The following DOK1 variants were observed in gnomAD, a reference collection of about 807,000 sequenced individuals.
DOK1 encodes the protein Downstream of tyrosine kinase 1.
Under a neutral mutation model 24.0 loss-of-function variants are expected in DOK1, and 12 were observed. The ratio of observed to expected loss-of-function variants is 0.50; its 90% confidence interval spans 0.32 to 0.81. The LOEUF (loss-of-function observed/expected upper bound fraction) is 0.81, where lower values mean the gene tolerates loss of function less well. Among genes scored for constraint, DOK1 ranks in the 30% least tolerant of loss-of-function variants. DOK1 has a pLI of 0.03. For synonymous variants in DOK1, 250 were observed against 260.9 expected (o/e 0.96, Z 0.40); for missense variants, 591 against 620.7 (o/e 0.95, Z 0.51).
Position 74,556,238 on chromosome 2 carries a change from C to T in DOK1, c.640-70C>T. The T allele has an allele frequency of 2.6e-6, 4 of 1,563,040 alleles. No individual in the cohort carries two copies. Among genetic ancestry groups the T allele is most frequent in the Non-Finnish European group, 3.5e-6 (4 of 1,152,480 alleles). Reference sequence around the variant, plus strand: ...GGTCTCTTCTTTGTAGATACCCTAACTAGTGCAGGCGTGTGACTCACTTCC... The same window carrying T: ...GGTCTCTTCTTTGTAGATACCCTAATTAGTGCAGGCGTGTGACTCACTTCC... On this transcript the variant is annotated intron_variant, in intron 4 of 4. Transcript: ENST00000233668. The surrounding 1 kb of genome is among the most constrained non-coding windows in gnomAD (Gnocchi z 4.1).
In DOK1 at chr2:74,556,824, G is replaced by A; in HGVS notation, c.1156G>A (p.Ala386Thr). ...TGATCTGCCTCGGGAGCCCAAGGAT[G>A]CATGGTGGTGCCAAGCTCGGGTGAA... ...LYDLPREPKD[A>T]WWCQARVKEE... The change falls in exon 5 of 5, where the codon GCA (alanine) becomes ACA (threonine). Residue 386 changes from alanine to threonine, a missense_variant. Coordinates refer to ENST00000233668, the MANE Select transcript of DOK1 (RefSeq NM_001381.5). This position sits in a 1 kb window ranked among gnomAD's most constrained non-coding sequence, Gnocchi z 4.1. The A allele has an allele frequency of 6.2e-7, 1 of 1,614,192 alleles. No individual in the cohort carries two copies. Among genetic ancestry groups the A allele is most frequent in the Non-Finnish European group, 8.5e-7 (1 of 1,180,036 alleles).
rs373347212 is a variant in DOK1 at position 74,555,116 on chromosome 2, A to G, written c.61-38A>G. 1.9e-4 allele frequency: 293 copies of G among 1,577,884 alleles called. No individual in the cohort carries two copies. The highest frequency in any genetic ancestry group is 9.0e-4 in the Admixed American group (51 of 56,734). Reference sequence around the variant, plus strand: ...CCGTCGGGACCCGGGCCGCCTGCGCACGCCACTCCCTCTCGAGCACTCTCT... The same window carrying G: ...CCGTCGGGACCCGGGCCGCCTGCGCGCGCCACTCCCTCTCGAGCACTCTCT... On this transcript the variant is annotated intron_variant, in intron 1 of 4. Transcript: ENST00000233668. The surrounding 1 kb of genome is among the most constrained non-coding windows in gnomAD (Gnocchi z 6.1).
At position 74,554,746 on chromosome 2, in the gene DOK1, C is replaced by A. The variant is rs758140616; in HGVS notation, c.-9C>A. On this transcript the variant is annotated 5_prime_UTR_variant, in exon 1 of 5. Coordinates refer to ENST00000233668, the MANE Select transcript of DOK1 (RefSeq NM_001381.5). This position sits in a 1 kb window ranked among gnomAD's most constrained non-coding sequence, Gnocchi z 4.9. ...GGGCCAGGAAGCGCGGAAGGAACCG[C>A]CGGGGGCCATGGACGGAGCAGTGAT... The A allele has an allele frequency of 1.9e-6, 3 of 1,613,016 alleles. No homozygotes were observed. Among genetic ancestry groups the A allele is most frequent in the Non-Finnish European group, 2.5e-6 (3 of 1,179,784 alleles).
At position 74,555,301 on chromosome 2, in the gene DOK1, T is replaced by G; in HGVS notation, c.208T>G (p.Cys70Gly). ...LDCKVIRLAE[C>G]VSVAPVTVET... ...CTGCAAAGTGATCCGTCTGGCTGAG[T>G]GTGTGAGTGTGGCCCCCGTCACCGT... Residue 70 changes from cysteine (C) to glycine (G), a missense_variant, in exon 2 of 5, where the codon TGT becomes GGT. Physicochemically the swap from Cys to Gly is radical, Grantham distance 159. Transcript: ENST00000233668. The surrounding 1 kb of genome is among the most constrained non-coding windows in gnomAD (Gnocchi z 6.1). 6.2e-7 allele frequency: 1 copy of G among 1,613,876 alleles called. No homozygotes were observed. Among genetic ancestry groups the G allele is most frequent in the Non-Finnish European group, 8.5e-7 (1 of 1,179,958 alleles).
upstream of DOK1, chr2:74,550,083 G>T (rs1225395112): frequency 4.7e-6 from 7 of 1,483,926 alleles, no homozygotes; most frequent in Non-Finnish European, 6.2e-6. Flanking sequence ...CAATCCAAAT[G>T]ATCCCCCAGG....
chr2:74,551,734 A>G (rs999331575), upstream of DOK1, among the ~76,000 whole-genome samples: 9 of 152,252 alleles, frequency 5.9e-5, no homozygotes, highest in African/African-American at 2.2e-4. Flanking sequence ...TGCAGGTTGC[A>G]CCTGCTTCTG....
rs1012934947 is a variant in DOK1, at chr2:74,556,249, G to C, written c.640-59G>C. ...TGTAGATACCCTAACTAGTGCAGGCGTGTGACTCACTTCCTCTGATGGCTC... is the reference window on the plus strand; with the variant it reads ...TGTAGATACCCTAACTAGTGCAGGCCTGTGACTCACTTCCTCTGATGGCTC... On this transcript the variant is annotated intron_variant, in intron 4 of 4. Transcript: ENST00000233668. This position sits in a 1 kb window ranked among gnomAD's most constrained non-coding sequence, Gnocchi z 4.1. 5.7e-6 allele frequency: 9 copies of C among 1,574,314 alleles called. No homozygotes were observed. Among genetic ancestry groups the C allele is most frequent in the African/African-American group, 2.7e-5 (2 of 74,042 alleles).
rs770047664 is a variant in DOK1 at position 74,556,847 on chromosome 2, G to A, written c.1179G>A (p.Val393=). 1.3e-5 allele frequency: 21 copies of A among 1,614,036 alleles called. No individual in the cohort carries two copies. Among genetic ancestry groups the A allele is most frequent in the East Asian group, 2.2e-5 (1 of 44,890 alleles). The change falls in exon 5 of 5, where the codon GTG becomes GTA. Residue 393 remains valine (V), a synonymous_variant. Coordinates refer to ENST00000233668, the MANE Select transcript of DOK1 (RefSeq NM_001381.5). The surrounding 1 kb of genome is among the most constrained non-coding windows in gnomAD (Gnocchi z 4.1). ...PKDAWWCQAR[V]KEEGYELPYN... ...ATGCATGGTGGTGCCAAGCTCGGGT[G>A]AAGGAGGAGGGCTATGAGCTCCCCT...
In DOK1 at chr2:74,556,101, C is replaced by T. The variant is rs1477190126; in HGVS notation, c.639+23C>T. ...AAGGTGCAGGGGCTGTCCGGGAGGGCTTCCTGGGTTGGGCAGCTGTGGGAG... is the reference window on the plus strand; with the variant it reads ...AAGGTGCAGGGGCTGTCCGGGAGGGTTTCCTGGGTTGGGCAGCTGTGGGAG... On this transcript the variant is annotated intron_variant, in intron 4 of 4. Transcript: ENST00000233668. The surrounding 1 kb of genome is among the most constrained non-coding windows in gnomAD (Gnocchi z 4.1). The T allele has an allele frequency of 6.4e-7, 1 of 1,556,678 alleles. No homozygotes were observed. Among genetic ancestry groups the T allele is most frequent in the Admixed American group, 1.9e-5 (1 of 52,926 alleles).
rs780213651 is a variant in DOK1 at position 74,557,049 on chromosome 2, T to C, written c.1381T>C (p.Trp461Arg). 1.2e-6 allele frequency: 2 copies of C among 1,613,978 alleles called. No homozygotes were observed. The highest frequency in any genetic ancestry group is 2.7e-5 in the African/African-American group (2 of 74,908). The change falls in exon 5 of 5, where the codon TGG (tryptophan) becomes CGG (arginine). Residue 461 changes from tryptophan (W) to arginine (R), a missense_variant. Physicochemically the swap from Trp to Arg is moderately radical, Grantham distance 101. Coordinates refer to ENST00000233668, the MANE Select transcript of DOK1 (RefSeq NM_001381.5). ...QVQKSGASGS[W>R]DCGLSRVGTD... ...CCAGAAGAGCGGGGCCTCAGGGAGC[T>C]GGGACTGTGGGCTCTCTAGAGTAGG...
chr2:74,555,963 T>A lies in DOK1; in HGVS notation c.524T>A (p.Val175Glu), dbSNP rs1280454968. Residue 175 changes from valine (V) to glutamate (E), a missense_variant, in exon 4 of 5, where the codon GTG becomes GAG. Coordinates refer to ENST00000233668, the MANE Select transcript of DOK1 (RefSeq NM_001381.5). This position sits in a 1 kb window ranked among gnomAD's most constrained non-coding sequence, Gnocchi z 6.1. Reference sequence around the variant, plus strand: ...CGCTGTGGCCTGCATGGCTCCTACGTGCTGAGGGTGGAGGCTGAAAGGCTG... The same window carrying A: ...CGCTGTGGCCTGCATGGCTCCTACGAGCTGAGGGTGGAGGCTGAAAGGCTG... ...AERCGLHGSYVLRVEAERLTL... is the reference protein window; with the variant it reads ...AERCGLHGSYELRVEAERLTL... 6.2e-7 allele frequency: 1 copy of A among 1,613,716 alleles called. No homozygotes were observed. Among genetic ancestry groups the A allele is most frequent in the Non-Finnish European group, 8.5e-7 (1 of 1,179,936 alleles).
In DOK1 at chr2:74,555,333, C is replaced by G. The variant is rs747590556; in HGVS notation, c.240C>G (p.Thr80=). The G allele has an allele frequency of 1.9e-6, 3 of 1,613,896 alleles. No individual in the cohort carries two copies. Among genetic ancestry groups the G allele is most frequent in the Non-Finnish European group, 2.5e-6 (3 of 1,179,958 alleles). Residue 80 remains threonine (T), a synonymous_variant, in exon 2 of 5, where the codon ACC becomes ACG. Coordinates refer to ENST00000233668, the MANE Select transcript of DOK1 (RefSeq NM_001381.5). This position sits in a 1 kb window ranked among gnomAD's most constrained non-coding sequence, Gnocchi z 6.1. ...CVSVAPVTVE[T]PPEPGATAFR... is the part of the protein sequence containing the mutation. ...GTGTGGCCCCCGTCACCGTGGAGAC[C>G]CCCCCTGAGCCCGGCGCCACTGCCT...
Position 74,557,208 on chromosome 2 carries a change from T to A in DOK1, c.*94T>A. 3.1e-6 allele frequency: 4 copies of A among 1,307,748 alleles called. No homozygotes were observed. The highest frequency in any genetic ancestry group is 4.2e-6 in the Non-Finnish European group (4 of 957,924). The allele number at this position is 1,307,748 out of a possible 1,614,324, so 81.0% of individuals were successfully genotyped here. On this transcript the variant is annotated 3_prime_UTR_variant, in exon 5 of 5. Transcript: ENST00000233668. ...GTTAGAACCAGCAGAAGCCAGAGGG[T>A]GGGAGGGGCCATGCTGTGTGAGACC...
chr2:74,549,317 C>A lies in DOK1; in HGVS notation c.-358+145C>A. 2 of 1,506,530 alleles carry A rather than the reference C, an allele frequency of 1.3e-6. No individual in the cohort carries two copies. Among genetic ancestry groups the A allele is most frequent in the Non-Finnish European group, 1.8e-6 (2 of 1,122,198 alleles). The allele number at this position is 1,506,530 out of a possible 1,614,324, so 93.3% of individuals were successfully genotyped here. A position where few individuals can be genotyped will look rare whatever the true frequency, so the allele number is the denominator to read the frequency against. ...TCAGATGTCTCCCAAGGCTATTCATCAGGGAGCACCCCAATCCCGGCCTGC... is the reference window on the plus strand; with the variant it reads ...TCAGATGTCTCCCAAGGCTATTCATAAGGGAGCACCCCAATCCCGGCCTGC... On this transcript the variant is annotated intron_variant, in intron 1 of 4. Coordinates refer to the DOK1 transcript ENST00000409429. This position sits in a 1 kb window ranked among gnomAD's most constrained non-coding sequence, Gnocchi z 5.3.
rs753473053 is a variant in DOK1 at position 74,555,906 on chromosome 2, G to T, written c.467G>T (p.Trp156Leu). Reference protein sequence around the residue: ...YSPTWEGSQFWVTVQRTEAAE... With the variant: ...YSPTWEGSQFLVTVQRTEAAE... Reference sequence around the variant, plus strand: ...GTATGCCTTCCAGGATCCCAATTCTGGGTAACGGTGCAGAGGACTGAGGCC... The same window carrying T: ...GTATGCCTTCCAGGATCCCAATTCTTGGTAACGGTGCAGAGGACTGAGGCC... The change falls in exon 4 of 5, where the codon TGG (tryptophan) becomes TTG (leucine). Residue 156 changes from tryptophan to leucine, a missense_variant. Physicochemically the swap from Trp to Leu is moderately conservative, Grantham distance 61. Coordinates refer to ENST00000233668, the MANE Select transcript of DOK1 (RefSeq NM_001381.5). The surrounding 1 kb of genome is among the most constrained non-coding windows in gnomAD (Gnocchi z 6.1). 1 of 1,605,488 alleles carries T rather than the reference G, an allele frequency of 6.2e-7. No homozygotes were observed. Among genetic ancestry groups the T allele is most frequent in the Non-Finnish European group, 8.5e-7 (1 of 1,175,566 alleles).
upstream of DOK1, among the ~76,000 whole-genome samples, chr2:74,551,318 T>G (rs758277330): frequency 1.1e-4 from 16 of 152,222 alleles, no homozygotes; most frequent in Admixed American, 2.0e-4. Context: ...TTCAAGGACA[T>G]CTCATTCACA....
chr2:74,550,032 G>A, upstream of DOK1: 1 of 985,392 alleles, frequency 1.0e-6, no homozygotes, highest in African/African-American at 1.7e-5. Flanking sequence ...GGATTTTACA[G>A]CATCTGGGAG....
Position 74,556,596 on chromosome 2 carries a change from TCCCAGGACTC to T in DOK1, c.931_940del (p.Gln311TyrfsTer36), listed in dbSNP as rs1451718141. ...CTCCCTGCGCATTGCTCCATGCCCT[TCCCAGGACTC>T]CCTATACTCAGACCCCTTGGACAGC... On this transcript the variant is annotated frameshift_variant, in exon 5 of 5. Coordinates refer to ENST00000233668, the MANE Select transcript of DOK1 (RefSeq NM_001381.5). LOFTEE classifies it high-confidence loss of function. This position sits in a 1 kb window ranked among gnomAD's most constrained non-coding sequence, Gnocchi z 4.1. The T allele has an allele frequency of 6.2e-7, 1 of 1,614,156 alleles. No homozygotes were observed. Among genetic ancestry groups the T allele is most frequent in the Admixed American group, 1.7e-5 (1 of 60,016 alleles).
In DOK1 at chr2:74,555,752, G is replaced by T. The variant is rs1677405570; in HGVS notation, c.454+84G>T. The T allele has an allele frequency of 6.2e-7, 1 of 1,600,638 alleles. No homozygotes were observed. ...TTGGGAAGTGGGTGGATACCCAGGG[G>T]CCCATGGGGAAGTAAGAAGTAGGAA... is the stretch of plus-strand genomic sequence containing the variant. On this transcript the variant is annotated intron_variant, in intron 3 of 4. Transcript: ENST00000233668. The surrounding 1 kb of genome is among the most constrained non-coding windows in gnomAD (Gnocchi z 6.1).
Sources: allele counts gnomAD v4.1 joint callset (sites outside exome capture counted in the v4.1 genomes callset), GRCh38; gene constraint gnomAD v4.1.1; non-coding constraint Gnocchi (gnomAD v3.1); transcripts MANE v1.5; gene names NCBI Gene and HGNC (gene_info 2026-07-23, HGNC 2026-07-21).